The following RBFOX1 variants were observed in gnomAD, a reference collection of about 807,000 sequenced individuals.
The protein encoded by RBFOX1 is RNA binding protein fox-1 homolog 1.
A neutral mutation model predicts 57.7 loss-of-function variants in RBFOX1; 8 were observed. The ratio of observed to expected loss-of-function variants is 0.14; its 90% CI spans 0.08 to 0.25. The LOEUF (loss-of-function observed/expected upper bound fraction) is 0.25, where lower values mean the gene tolerates loss of function less well. Ranked by LOEUF, RBFOX1 falls within the 10% of genes least tolerant of loss-of-function variation. The probability of loss-of-function intolerance (pLI) is 1.00; values close to 1 mark genes in which losing one functional copy is unlikely to be tolerated. For synonymous variants in RBFOX1, 326 were observed against 222.4 expected (o/e 1.47, Z -4.15); for missense variants, 611 against 548.5 (o/e 1.11, Z -1.14).
intron 2 of RBFOX1, among the ~76,000 whole-genome samples, chr16:5,584,353 G>A (rs746882108): frequency 6.6e-6 from 1 of 152,338 alleles, no homozygotes; most frequent in South Asian, 2.1e-4. Context: ...CCAGAAATAT[G>A]TCGGAGTTTC....
intron 3 of RBFOX1, among the ~76,000 whole-genome samples, chr16:6,888,969 C>T (rs1057444747): frequency 2.6e-5 from 4 of 152,158 alleles, no homozygotes; most frequent in East Asian, 1.9e-4. Flanking sequence ...TGGGCAGACA[C>T]AGCTTTTCTG....
At chr16:6,954,281 C>A (rs562959192) in intron 3 of RBFOX1, among the ~76,000 whole-genome samples, 1 of 152,042 alleles carries the variant, frequency 6.6e-6, no homozygotes, top group Admixed American at 6.6e-5. Flanking sequence ...CTGGTCATCT[C>A]GCCAATTTTG....
At chr16:7,681,120 T>C (rs771379067) in intron 14 of RBFOX1, among the ~76,000 whole-genome samples, 1 of 152,162 alleles carries the variant, frequency 6.6e-6, no homozygotes, top group African/African-American at 2.4e-5. Context: ...TAAGGATAAG[T>C]AGGCATATTT....
At chr16:6,291,805 A>T (rs543201632) in intron 1 of RBFOX1, among the ~76,000 whole-genome samples, 8 of 152,202 alleles carry the variant, frequency 5.3e-5, no homozygotes, top group Non-Finnish European at 8.8e-5. Context: ...TCATCTTCTT[A>T]GAAAGGTATT....
At chr16:7,173,200 TAAAG>T (rs1024137652) in intron 4 of RBFOX1, among the ~76,000 whole-genome samples, 3 of 152,182 alleles carry the variant, frequency 2.0e-5, no homozygotes, top group Non-Finnish European at 4.4e-5. Flanking sequence ...AACGTAAAAT[TAAAG>T]AAAAACATCA....
At chr16:6,501,542 T>A (rs802696) in intron 2 of RBFOX1, among the ~76,000 whole-genome samples, 62,455 of 151,684 alleles carry the variant, frequency 0.41, 13,141 homozygotes, top group East Asian at 0.59. Context: ...TCTATCATTG[T>A]TGGACATTTG....
intron 4 of RBFOX1, among the ~76,000 whole-genome samples, chr16:7,349,350 A>T (rs1363892229): frequency 6.6e-6 from 1 of 152,132 alleles, no homozygotes; most frequent in African/African-American, 2.4e-5. Context: ...TTTCAATTTA[A>T]GTGACTTCGC....
At chr16:5,333,718 T>C (rs1299127767) in intron 1 of RBFOX1, among the ~76,000 whole-genome samples, 13 of 152,234 alleles carry the variant, frequency 8.5e-5, no homozygotes, top group Admixed American at 8.5e-4. Flanking sequence ...CTAGATGGTA[T>C]AGTCTGCTAC....
chr16:6,134,346 G>C lies in RBFOX1; in HGVS notation c.-127+114354G>C, dbSNP rs973944427. ...GATTCAGGTCTGCAAGCACAAAAGA[G>C]GATTTGTCTGGTTTCAGTGTAATCT... On this transcript the variant is annotated intron_variant, in intron 1 of 15. Transcript: ENST00000550418. Among the ~76,000 whole-genome samples the C allele has an allele frequency of 2.6e-5, 4 of 152,254 alleles. No individual in the cohort carries two copies. In the South Asian group the frequency reaches 8.3e-4, roughly 32 times the overall value.
intron 2 of RBFOX1, among the ~76,000 whole-genome samples, chr16:5,493,607 A>C (rs1038488152): frequency 2.0e-5 from 3 of 152,234 alleles, no homozygotes; most frequent in Non-Finnish European, 2.9e-5. Context: ...ATCATGGGCA[A>C]ATGTAATAAG....
At chr16:6,720,270 C>T (rs1469292699) in intron 3 of RBFOX1, among the ~76,000 whole-genome samples, 1 of 152,046 alleles carries the variant, frequency 6.6e-6, no homozygotes, top group Non-Finnish European at 1.5e-5. Flanking sequence ...TGTACTTCTT[C>T]CCCCTTCACT....
At chr16:5,440,902 GA>G (rs745727926) in intron 1 of RBFOX1, among the ~76,000 whole-genome samples, 15 of 152,124 alleles carry the variant, frequency 9.9e-5, no homozygotes, top group Non-Finnish European at 1.6e-4. Context: ...AGTGATTTTC[GA>G]AAGGTCACGC....
chr16:6,615,268 G>T (rs185037590), intron 2 of RBFOX1, among the ~76,000 whole-genome samples: 6 of 152,282 alleles, frequency 3.9e-5, no homozygotes, highest in Admixed American at 3.9e-4. Context: ...ATTCACTGGT[G>T]CTAATAATTC....
intron 4 of RBFOX1, among the ~76,000 whole-genome samples, chr16:7,068,760 TG>T (rs1340180644): frequency 1.3e-5 from 2 of 152,148 alleles, no homozygotes; most frequent in African/African-American, 2.4e-5. Flanking sequence ...GCTAATTTTT[TG>T]TATTTTTAGC....
chr16:6,456,059 T>C (rs1331445502), intron 2 of RBFOX1, among the ~76,000 whole-genome samples: 1 of 152,178 alleles, frequency 6.6e-6, no homozygotes, highest in East Asian at 1.9e-4. Context: ...ACAAAGATTA[T>C]ATGTCTTTAT....
intron 1 of RBFOX1, among the ~76,000 whole-genome samples, chr16:6,230,336 A>T (rs1398374367): frequency 6.6e-6 from 1 of 152,196 alleles, no homozygotes; most frequent in African/African-American, 2.4e-5. Context: ...TGTTATAATT[A>T]TAAGGAAAAA....
intron 1 of RBFOX1, among the ~76,000 whole-genome samples, chr16:5,407,029 A>G (rs1596901559): frequency 6.6e-6 from 1 of 152,212 alleles, no homozygotes; most frequent in Non-Finnish European, 1.5e-5. Flanking sequence ...GGTAATTTAT[A>G]AAAGGCAGAG....
intron 3 of RBFOX1, among the ~76,000 whole-genome samples, chr16:6,787,876 TAGAGAGAA>T (rs1288850864): frequency 6.6e-6 from 1 of 152,162 alleles, no homozygotes; most frequent in Non-Finnish European, 1.5e-5. Flanking sequence ...CTCGATACTA[TAGAGAGAA>T]GTTTTAATAT....
intron 2 of RBFOX1, among the ~76,000 whole-genome samples, chr16:6,537,310 G>T (rs1370122326): frequency 6.6e-6 from 1 of 152,170 alleles, no homozygotes; most frequent in Non-Finnish European, 1.5e-5. Context: ...AAATGTATTT[G>T]TACGTGGATG....
Sources: gnomAD v4.1 joint callset for allele counts (sites outside exome capture counted in the v4.1 genomes callset) on GRCh38, gnomAD v4.1.1 for gene constraint, MANE v1.5 for transcripts, NCBI Gene and HGNC (gene_info 2026-07-23, HGNC 2026-07-21) for gene names.